Variants in WDR27 observed in about 807,000 individuals in gnomAD.
WDR27 encodes WD repeat-containing protein 27.
A neutral mutation model predicts 114.4 loss-of-function variants in WDR27; 100 were observed. The ratio of observed to expected loss-of-function variants is 0.87; its 90% CI spans 0.74 to 1.03. The LOEUF (loss-of-function observed/expected upper bound fraction) is 1.03, where lower values mean the gene tolerates loss of function less well. Among genes scored for constraint, WDR27 ranks in the 50% least tolerant of loss-of-function variants. WDR27 has a pLI of 0.00. For synonymous variants in WDR27, 449 were observed against 423.1 expected (o/e 1.06, Z -0.75); for missense variants, 1,129 against 1,092.9 (o/e 1.03, Z -0.47).
At chr6:169,642,492 A>AAT (rs1819475499) in intron 17 of WDR27, among the ~76,000 whole-genome samples, 1 of 152,136 alleles carries the variant, frequency 6.6e-6, no homozygotes, top group Non-Finnish European at 1.5e-5. Context: ...TCCCAGGTGC[A>AAT]CTGTGAAGAT....
chr6:169,667,679 G>A lies in WDR27; in HGVS notation c.660+303C>T, dbSNP rs1828235443. On this transcript the variant is annotated intron_variant, in intron 5 of 25. Coordinates refer to ENST00000448612, the MANE Select transcript of WDR27 (RefSeq NM_182552.5). ...ACCCTGGGACTGGCTCTTCTGCTCT[G>A]GGCCTGGGAATGCCGTGGAGAAGAA... 3.3e-5 allele frequency among the ~76,000 whole-genome samples: 5 copies of A among 152,162 alleles called. No homozygotes were observed. The South Asian group carries it at 1.0e-3, about 31-fold the overall frequency.
chr6:169,609,199 C>G (rs1809957033), intron 22 of WDR27, among the ~76,000 whole-genome samples: 1 of 152,172 alleles, frequency 6.6e-6, no homozygotes, highest in Non-Finnish European at 1.5e-5. Flanking sequence ...ATGGTGCAAG[C>G]TGTAGATGGA....
At chr6:169,670,758 A>G in intron 3 of WDR27, 65 bp from the exon 4 acceptor site, 1 of 1,585,148 alleles carries the variant, frequency 6.3e-7, no homozygotes, top group Non-Finnish European at 8.6e-7. Context: ...TAATCTGAGA[A>G]AAGTACTGAG....
At chr6:169,574,150 G>C (rs9383494) in intron 24 of WDR27, among the ~76,000 whole-genome samples, 14,905 of 152,352 alleles carry the variant, frequency 0.098, 1,804 homozygotes, top group East Asian at 0.58. Flanking sequence ...GTGTGCTTCA[G>C]AGTCTTGGAT....
intron 25 of WDR27, among the ~76,000 whole-genome samples, chr6:169,536,808 G>T (rs559477640): frequency 5.3e-5 from 8 of 152,244 alleles, no homozygotes; most frequent in African/African-American, 1.9e-4. Context: ...TTAAGACATC[G>T]TGTGTGGGTC....
intron 25 of WDR27, among the ~76,000 whole-genome samples, chr6:169,554,606 G>A (rs1336461688): frequency 6.6e-6 from 1 of 152,174 alleles, no homozygotes; most frequent in Admixed American, 6.5e-5. Flanking sequence ...TTTCGGAGCT[G>A]CAAAGCAAAC....
intron 25 of WDR27, among the ~76,000 whole-genome samples, chr6:169,536,807 C>T (rs541565647): frequency 1.3e-5 from 2 of 152,076 alleles, no homozygotes; most frequent in East Asian, 1.9e-4. Flanking sequence ...GTTAAGACAT[C>T]GTGTGTGGGT....
At chr6:169,444,949 T>A in the WDR27 span, among the ~76,000 whole-genome samples, 5 of 152,136 alleles carry the variant, frequency 3.3e-5, no homozygotes, top group Admixed American at 6.5e-5. Context: ...ATGAGGACAA[T>A]ACTATCCCTT....
At chr6:169,654,212 T>C (rs749742684) in intron 13 of WDR27, among the ~76,000 whole-genome samples, 5 of 152,216 alleles carry the variant, frequency 3.3e-5, no homozygotes, top group South Asian at 4.1e-4. Context: ...ATCCCTGACA[T>C]ACAAGGCTGG....
chr6:169,459,945 G>T (rs934677724), intron 25 of WDR27, among the ~76,000 whole-genome samples: 1 of 152,124 alleles, frequency 6.6e-6, no homozygotes, highest in Non-Finnish European at 1.5e-5. Flanking sequence ...GACCTGCCCT[G>T]CCAGAAATGT....
In WDR27 at chr6:169,684,836, A is replaced by AAG. The variant is rs1782493578; in HGVS notation, c.189+3980_189+3981insCT. Among the ~76,000 whole-genome samples, 1 of 152,200 alleles carries AAG rather than the reference A, an allele frequency of 6.6e-6. No homozygotes were observed. The highest frequency in any genetic ancestry group is 2.4e-5 in the African/African-American group (1 of 41,448). On this transcript the variant is annotated intron_variant, in intron 2 of 25. Transcript: ENST00000448612. The surrounding 1 kb of genome is among the most constrained non-coding windows in gnomAD (Gnocchi z 4.3). ...AGCCCCAGGAGCTGCCCCAGCAGAT[A>AAG]TGTCCCCACGCTGGCCAAGCAACCA...
At chr6:169,647,534 G>C (rs1408970619) in intron 16 of WDR27, 1 of 596,402 alleles carries the variant, frequency 1.7e-6, no homozygotes, top group East Asian at 3.0e-5. Context: ...CTGCTAGTGA[G>C]TGAGTGCCAG....
chr6:169,642,302 T>TCCCCCCC (rs59470895), intron 17 of WDR27, among the ~76,000 whole-genome samples: 1 of 150,820 alleles, frequency 6.6e-6, no homozygotes, highest in Admixed American at 6.7e-5. Context: ...ATGTGGCCCT[T>TCCCCCCC]CCCCCCCGCC....
intron 25 of WDR27, among the ~76,000 whole-genome samples, chr6:169,532,079 TACA>T (rs1313573289): frequency 6.6e-6 from 1 of 152,218 alleles, no homozygotes; most frequent in Non-Finnish European, 1.5e-5. Context: ...AAAGTTTAGA[TACA>T]ACAAATTATA....
intron 1 of WDR27, among the ~76,000 whole-genome samples, chr6:169,701,207 TCC>T (rs926183211): frequency 6.6e-6 from 1 of 152,102 alleles, no homozygotes; most frequent in Non-Finnish European, 1.5e-5. Flanking sequence ...CCTGTGCATT[TCC>T]GTTTTTTTAA....
intron 25 of WDR27, among the ~76,000 whole-genome samples, chr6:169,469,097 G>A (rs1258392742): frequency 6.6e-6 from 1 of 152,088 alleles, no homozygotes; most frequent in Non-Finnish European, 1.5e-5. Context: ...TAAATTTTGA[G>A]GAAATACAAG....
intron 21 of WDR27, among the ~76,000 whole-genome samples, chr6:169,616,077 AAC>A (rs1404280732): frequency 6.6e-6 from 1 of 152,188 alleles, no homozygotes; most frequent in Non-Finnish European, 1.5e-5. Context: ...CCTCATTAGA[AAC>A]AGTTTCTTCA....
At chr6:169,492,745 G>T (rs1416175868) in intron 25 of WDR27, among the ~76,000 whole-genome samples, 1 of 151,878 alleles carries the variant, frequency 6.6e-6, no homozygotes, top group Non-Finnish European at 1.5e-5. Flanking sequence ...AAAAACCAAA[G>T]AAATTGATAA....
intron 25 of WDR27, among the ~76,000 whole-genome samples, chr6:169,486,006 A>AG (rs1236989720): frequency 2.0e-5 from 3 of 152,256 alleles, no homozygotes; most frequent in African/African-American, 7.2e-5. Flanking sequence ...TTGAGGGTGG[A>AG]GGTGGAGAGC....
Sources: allele counts gnomAD v4.1 joint callset (sites outside exome capture counted in the v4.1 genomes callset), GRCh38; gene constraint gnomAD v4.1.1; non-coding constraint Gnocchi (gnomAD v3.1); transcripts MANE v1.5; gene names NCBI Gene and HGNC (gene_info 2026-07-23, HGNC 2026-07-21).